PCDH9: variants seen among roughly 807,000 people sequenced by gnomAD.
The protein encoded by PCDH9 is protocadherin 9.
Under a neutral mutation model 70.6 loss-of-function variants are expected in PCDH9, and 24 were observed. The observed-to-expected ratio is 0.34, with a 90% CI of 0.25 to 0.48. The LOEUF (loss-of-function observed/expected upper bound fraction) is 0.48. Ranked by LOEUF, PCDH9 falls within the 20% of genes least tolerant of loss-of-function variation. The probability of loss-of-function intolerance (pLI) is 0.99; values close to 1 mark genes in which losing one functional copy is unlikely to be tolerated. For synonymous variants in PCDH9, 562 were observed against 558.5 expected, an observed-to-expected ratio of 1.01 and a Z score of -0.09; for missense variants, 1,281 against 1,503.6, an observed-to-expected ratio of 0.85 and a Z score of 2.45.
intron 2 of PCDH9, among the ~76,000 whole-genome samples, chr13:67,145,186 A>C (rs1331673929): frequency 6.6e-6 from 1 of 152,042 alleles, no homozygotes; most frequent in Non-Finnish European, 1.5e-5. Context: ...CATCGATCTC[A>C]ACACATTTTT....
At chr13:66,605,864 T>A (rs2077216795) in intron 4 of PCDH9, among the ~76,000 whole-genome samples, 1 of 152,132 alleles carries the variant, frequency 6.6e-6, no homozygotes, top group Non-Finnish European at 1.5e-5. Context: ...CATTTGTTTT[T>A]TCCTGGCTCT....
intron 4 of PCDH9, among the ~76,000 whole-genome samples, chr13:66,496,026 A>AAGATGAGAGATTTT (rs1959111591): frequency 6.6e-6 from 1 of 152,200 alleles, no homozygotes; most frequent in Non-Finnish European, 1.5e-5. Context: ...GCCCATAGCA[A>AAGATGAGAGATTTT]TACTTATAAA....
chr13:66,990,706 C>A (rs935931154), intron 2 of PCDH9, among the ~76,000 whole-genome samples: 12 of 151,140 alleles, frequency 7.9e-5, no homozygotes, highest in Admixed American at 7.3e-4. Flanking sequence ...TTCAAAAATT[C>A]ACATCTCTGA....
intron 3 of PCDH9, among the ~76,000 whole-genome samples, chr13:66,657,084 A>T (rs1473590418): frequency 6.6e-6 from 1 of 152,204 alleles, no homozygotes; most frequent in Admixed American, 6.6e-5. Flanking sequence ...ACCACCAGGC[A>T]ATCTATGTTA....
chr13:66,858,556 T>C (rs997807147), intron 3 of PCDH9, among the ~76,000 whole-genome samples: 10 of 152,120 alleles, frequency 6.6e-5, no homozygotes, highest in African/African-American at 2.2e-4. Context: ...TTTCCTAGCT[T>C]CTCCTTCTTC....
intron 4 of PCDH9, among the ~76,000 whole-genome samples, chr13:66,424,301 T>G (rs1013332750): frequency 4.6e-5 from 7 of 152,146 alleles, no homozygotes; most frequent in Admixed American, 6.5e-5. Flanking sequence ...ACCATTGACT[T>G]TCTTCACATA....
chr13:67,119,670 G>A (rs2086841375), intron 2 of PCDH9, among the ~76,000 whole-genome samples: 1 of 152,128 alleles, frequency 6.6e-6, no homozygotes, highest in South Asian at 2.1e-4. Context: ...GTAGCCCTTA[G>A]ACATAGGTAT....
chr13:66,338,153 G>C (rs1174767808), intron 4 of PCDH9, among the ~76,000 whole-genome samples: 1 of 152,076 alleles, frequency 6.6e-6, no homozygotes, highest in African/African-American at 2.4e-5. Context: ...TAAAACACAT[G>C]AACGAAATCA....
intron 2 of PCDH9, among the ~76,000 whole-genome samples, chr13:67,181,246 A>T (rs935922601): frequency 6.6e-6 from 1 of 152,248 alleles, no homozygotes; most frequent in Non-Finnish European, 1.5e-5. Context: ...ATGGTAAATC[A>T]AACTTGCATA....
At chr13:66,915,008 T>C (rs1196502750) in intron 2 of PCDH9, 1 of 151,738 alleles carries the variant, frequency 6.6e-6, no homozygotes, top group South Asian at 2.1e-4. Flanking sequence ...TAAAATGATA[T>C]TAAAATAAAT....
chr13:66,785,287 T>C (rs1248835981), intron 3 of PCDH9, among the ~76,000 whole-genome samples: 1 of 152,090 alleles, frequency 6.6e-6, no homozygotes, highest in East Asian at 1.9e-4. Flanking sequence ...TTATCTATTA[T>C]GCCTCTAGAA....
At chr13:66,793,713 A>T (rs1034422259) in intron 3 of PCDH9, among the ~76,000 whole-genome samples, 5 of 152,194 alleles carry the variant, frequency 3.3e-5, no homozygotes, top group African/African-American at 1.2e-4. Context: ...GGCATTGACT[A>T]GTAGAACCTA....
chr13:66,304,531 A>G lies in PCDH9; in HGVS notation c.*124T>C. On this transcript the variant is annotated 3_prime_UTR_variant, in exon 5 of 5. Coordinates refer to ENST00000377865, the MANE Select transcript of PCDH9 (RefSeq NM_203487.3). ...ACATTGTATTCTCCATGGTGCTAAC[A>G]CAAAGTTATAGGTATCCCTGCTAGA... The G allele has an allele frequency of 2.7e-6, 2 of 744,780 alleles. No homozygotes were observed. The highest frequency in any genetic ancestry group is 3.5e-5 in the South Asian group (2 of 57,008). The allele number at this position is 744,780 out of a possible 1,614,324, so 46.1% of individuals were successfully genotyped here.
chr13:66,572,374 C>G (rs1268042887), intron 4 of PCDH9, among the ~76,000 whole-genome samples: 3 of 152,096 alleles, frequency 2.0e-5, no homozygotes, highest in Admixed American at 6.6e-5. Flanking sequence ...TTATCCTCCC[C>G]TCCTCAGTCA....
chr13:67,119,621 A>T (rs543402494), intron 2 of PCDH9, among the ~76,000 whole-genome samples: 2 of 152,260 alleles, frequency 1.3e-5, no homozygotes, highest in East Asian at 3.9e-4. Context: ...CAGGAAAATG[A>T]CATAAATTTG....
chr13:67,114,461 A>G (rs546112806), intron 2 of PCDH9, among the ~76,000 whole-genome samples: 1 of 152,214 alleles, frequency 6.6e-6, no homozygotes, highest in Non-Finnish European at 1.5e-5. Flanking sequence ...TCAATGAGGC[A>G]TCTGCCAGTT....
At chr13:66,808,770 C>G (rs1193367207) in intron 3 of PCDH9, among the ~76,000 whole-genome samples, 1 of 152,092 alleles carries the variant, frequency 6.6e-6, no homozygotes, top group Non-Finnish European at 1.5e-5. Context: ...AATGTGCAGA[C>G]CCTAACCCAG....
At chr13:67,027,006 G>T (rs539991779) in intron 2 of PCDH9, among the ~76,000 whole-genome samples, 4 of 152,092 alleles carry the variant, frequency 2.6e-5, no homozygotes, top group South Asian at 4.2e-4. Context: ...AATTTATAGA[G>T]TCAATGCCAT....
intron 2 of PCDH9, among the ~76,000 whole-genome samples, chr13:67,079,076 G>A (rs1320734804): frequency 1.3e-5 from 2 of 151,890 alleles, no homozygotes; most frequent in East Asian, 1.9e-4. Flanking sequence ...TTGGGAGGCC[G>A]AGGTGAGCGG....
Sources: allele counts gnomAD v4.1 joint callset (sites outside exome capture counted in the v4.1 genomes callset), GRCh38; gene constraint gnomAD v4.1.1; transcripts MANE v1.5; gene names NCBI Gene and HGNC (gene_info 2026-07-23, HGNC 2026-07-21).